DLG2: variants seen among roughly 807,000 people sequenced by gnomAD.
DLG2 encodes the protein disks large homolog 2.
DLG2 carries 45 observed loss-of-function variants against 132.5 expected under a neutral mutation model. That is an observed-to-expected ratio of 0.34 (90% CI 0.27 to 0.44). The LOEUF is 0.44. Among genes scored for constraint, DLG2 ranks in the 20% least tolerant of loss-of-function variants. DLG2 has a pLI of 1.00. For synonymous variants in DLG2, 424 were observed against 419.6 expected (o/e 1.01, Z -0.13); for missense variants, 1,045 against 1,196.9 (o/e 0.87, Z 1.87).
intron 7 of DLG2, among the ~76,000 whole-genome samples, chr11:84,376,201 T>A (rs1385832738): frequency 6.6e-6 from 1 of 151,924 alleles, no homozygotes; most frequent in Non-Finnish European, 1.5e-5. Context: ...AATTCTTAAT[T>A]TTTATTATTA....
intron 6 of DLG2, among the ~76,000 whole-genome samples, chr11:84,696,958 G>C (rs1041577194): frequency 2.0e-5 from 3 of 151,204 alleles, no homozygotes; most frequent in African/African-American, 4.8e-5. Context: ...CACATTGAAG[G>C]GTTCAAAAAT....
intron 6 of DLG2, among the ~76,000 whole-genome samples, chr11:84,942,298 G>A (rs1217694121): frequency 6.6e-6 from 1 of 151,796 alleles, no homozygotes; most frequent in Non-Finnish European, 1.5e-5. Flanking sequence ...TGCTTTTCTT[G>A]TTCTTTAAGA....
At chr11:84,880,887 C>G (rs79298462) in intron 6 of DLG2, among the ~76,000 whole-genome samples, 6,319 of 152,156 alleles carry the variant, frequency 0.042, 195 homozygotes, top group African/African-American at 0.08. Context: ...ATAAATCATT[C>G]ATTTATTCAT....
intron 4 of DLG2, among the ~76,000 whole-genome samples, chr11:85,207,170 A>T (rs2081953238): frequency 6.6e-6 from 1 of 152,152 alleles, no homozygotes; most frequent in Non-Finnish European, 1.5e-5. Context: ...TCTGTCAAAC[A>T]TCAACCCTAC....
At chr11:84,383,905 A>G (rs2098758097) in intron 7 of DLG2, among the ~76,000 whole-genome samples, 2 of 151,970 alleles carry the variant, frequency 1.3e-5, no homozygotes, top group African/African-American at 2.4e-5. Context: ...TGTGTTACGC[A>G]GCATAGAAAA....
At chr11:84,013,002 G>A (rs949190444) in intron 11 of DLG2, among the ~76,000 whole-genome samples, 6 of 151,998 alleles carry the variant, frequency 3.9e-5, no homozygotes, top group Non-Finnish European at 8.8e-5. Context: ...AGAATAAGCT[G>A]GGTTGTCTGT....
intron 11 of DLG2, among the ~76,000 whole-genome samples, chr11:84,053,665 G>C (rs934086287): frequency 6.6e-6 from 1 of 151,920 alleles, no homozygotes; most frequent in Non-Finnish European, 1.5e-5. Flanking sequence ...TAGCCATTTT[G>C]CAGATGCGGA....
intron 21 of DLG2, chr11:83,486,084 A>G (rs1000138109): frequency 2.4e-4 from 134 of 549,082 alleles, no homozygotes; most frequent in African/African-American, 2.2e-3. Flanking sequence ...TGTTCAATAT[A>G]GTTTTATCAT....
intron 7 of DLG2, among the ~76,000 whole-genome samples, chr11:84,452,402 G>A (rs2099054074): frequency 6.6e-6 from 1 of 151,702 alleles, no homozygotes; most frequent in Non-Finnish European, 1.5e-5. Flanking sequence ...CAATCTAAGA[G>A]CAATACCATG....
chr11:84,533,887 C>T (rs190663727), intron 7 of DLG2, among the ~76,000 whole-genome samples: 1 of 103,296 alleles, frequency 9.7e-6, no homozygotes, highest in African/African-American at 3.9e-5. Context: ...ACACAAAATC[C>T]AGTAGCGCCA....
chr11:83,679,465 A>T (rs2078360072), intron 18 of DLG2, among the ~76,000 whole-genome samples: 1 of 152,206 alleles, frequency 6.6e-6, no homozygotes, highest in Non-Finnish European at 1.5e-5. Flanking sequence ...TTGAATAATT[A>T]TGTAAGGATT....
chr11:85,121,682 CT>C (rs1336846409), intron 5 of DLG2, among the ~76,000 whole-genome samples: 3 of 152,026 alleles, frequency 2.0e-5, no homozygotes, highest in African/African-American at 7.2e-5. Context: ...TAGTCCATTT[CT>C]TTTATACAAA....
chr11:85,016,402 T>C (rs2059581102), intron 6 of DLG2, among the ~76,000 whole-genome samples: 1 of 152,194 alleles, frequency 6.6e-6, no homozygotes, highest in Non-Finnish European at 1.5e-5. Context: ...CTTTTCATTT[T>C]TTCCTCAGTT....
intron 6 of DLG2, among the ~76,000 whole-genome samples, chr11:84,549,367 T>A (rs1432406262): frequency 6.6e-6 from 1 of 152,208 alleles, no homozygotes; most frequent in African/African-American, 2.4e-5. Flanking sequence ...GCAGTCCCTG[T>A]CTGACTAATC....
At chr11:83,682,446 C>T (rs1204333513) in intron 18 of DLG2, 1 of 985,156 alleles carries the variant, frequency 1.0e-6, no homozygotes, top group Non-Finnish European at 1.2e-6. Context: ...GAAGCAGTGA[C>T]AGTAATTGGT....
chr11:85,535,816 T>C (rs1484309146), intron 3 of DLG2, among the ~76,000 whole-genome samples: 2 of 152,184 alleles, frequency 1.3e-5, no homozygotes, highest in East Asian at 1.9e-4. Flanking sequence ...TAAAAAAGAA[T>C]TAAGTACTGA....
intron 18 of DLG2, among the ~76,000 whole-genome samples, chr11:83,638,228 G>T (rs977165005): frequency 6.6e-6 from 1 of 152,018 alleles, no homozygotes; most frequent in Non-Finnish European, 1.5e-5. Context: ...TCCTGACTAG[G>T]TGCATTTAAT....
chr11:85,021,037 C>T, intron 6 of DLG2: 3 of 772,614 alleles, frequency 3.9e-6, no homozygotes, highest in Non-Finnish European at 7.2e-6. Context: ...TGTTCCTTTT[C>T]AATTTCTTCC....
intron 4 of DLG2, among the ~76,000 whole-genome samples, chr11:85,158,220 A>G (rs1393096764): frequency 6.6e-6 from 1 of 152,310 alleles, no homozygotes; most frequent in South Asian, 2.1e-4. Flanking sequence ...GGTGTGCGAT[A>G]ATGGTGGAAG....
Sources: allele counts gnomAD v4.1 joint callset (sites outside exome capture counted in the v4.1 genomes callset), GRCh38; gene constraint gnomAD v4.1.1; transcripts MANE v1.5; gene names NCBI Gene and HGNC (gene_info 2026-07-23, HGNC 2026-07-21).